Variants in MFAP3L observed in about 807,000 individuals in gnomAD.
The protein encoded by MFAP3L is microfibrillar-associated protein 3-like.
A neutral mutation model predicts 20.0 loss-of-function variants in MFAP3L; 5 were observed. That is an observed-to-expected ratio of 0.25 (90% confidence interval 0.13 to 0.53). The LOEUF (loss-of-function observed/expected upper bound fraction) is 0.53. Ranked by LOEUF, MFAP3L falls within the 20% of genes least tolerant of loss-of-function variation. MFAP3L has a pLI of 0.96. For missense variants in MFAP3L, 409 were observed against 527.5 expected, an observed-to-expected ratio of 0.78 and a Z score of 2.20; for synonymous variants, 219 against 213.0, an observed-to-expected ratio of 1.03 and a Z score of -0.25.
chr4:170,013,159 G>A (rs1739489107), intron 1 of MFAP3L, among the ~76,000 whole-genome samples: 2 of 152,162 alleles, frequency 1.3e-5, no homozygotes, highest in South Asian at 4.1e-4. Flanking sequence ...CTGATTAAAA[G>A]TAAAAATAAT....
chr4:170,025,135 G>GTA (rs1740269090), intron 1 of MFAP3L, among the ~76,000 whole-genome samples: 1 of 152,146 alleles, frequency 6.6e-6, no homozygotes, highest in Non-Finnish European at 1.5e-5. Context: ...AAACCACACT[G>GTA]GGACCTACAA....
At chr4:170,024,070 C>T (rs1278532998) in intron 1 of MFAP3L, among the ~76,000 whole-genome samples, 1 of 152,136 alleles carries the variant, frequency 6.6e-6, no homozygotes, top group Non-Finnish European at 1.5e-5. Flanking sequence ...TAGTTAACTA[C>T]AAAAGAGAAG....
chr4:170,001,842 T>C, intron 2 of MFAP3L: 1 of 804,588 alleles, frequency 1.2e-6, no homozygotes. Flanking sequence ...CTCCTGATCC[T>C]GTGGAATTGA....
At chr4:169,994,508 C>T (rs1737988755) in intron 2 of MFAP3L, 3 of 974,514 alleles carry the variant, frequency 3.1e-6, no homozygotes, top group East Asian at 1.1e-4. Flanking sequence ...TACAACATCC[C>T]AATGCTTTCC....
chr4:170,019,834 T>C (rs1022636015), intron 1 of MFAP3L, among the ~76,000 whole-genome samples: 2 of 152,218 alleles, frequency 1.3e-5, no homozygotes, highest in Non-Finnish European at 2.9e-5. Context: ...AGTTTTCCTC[T>C]TTCCTGTTGA....
intron 1 of MFAP3L, among the ~76,000 whole-genome samples, chr4:170,019,946 C>T (rs1739924174): frequency 6.6e-6 from 1 of 152,188 alleles, no homozygotes; most frequent in South Asian, 2.1e-4. Context: ...ATTAGCAAGT[C>T]CCCAATGCTT....
chr4:170,026,151 G>A (rs1167619365), intron 1 of MFAP3L, 83 bp downstream of exon 1: 3 of 833,194 alleles, frequency 3.6e-6, no homozygotes, highest in African/African-American at 3.7e-5. Flanking sequence ...GGCGGCCCCG[G>A]CGCCGACTCG....
intron 1 of MFAP3L, among the ~76,000 whole-genome samples, chr4:170,015,680 G>C (rs1282140679): frequency 6.6e-6 from 1 of 152,196 alleles, no homozygotes; most frequent in African/African-American, 2.4e-5. Context: ...AATCAGCCCA[G>C]ATTCCTCCAG....
chr4:170,019,388 A>C (rs1376494673), intron 1 of MFAP3L, among the ~76,000 whole-genome samples: 1 of 152,142 alleles, frequency 6.6e-6, no homozygotes, highest in Non-Finnish European at 1.5e-5. Context: ...GTCTACAAAA[A>C]AATTAATTAG....
chr4:169,997,719 T>G (rs1040910176), intron 2 of MFAP3L: 1 of 985,082 alleles, frequency 1.0e-6, no homozygotes, highest in African/African-American at 1.7e-5. Context: ...GCAGGCCCGG[T>G]AGCTCACGGC....
At chr4:170,013,641 C>A (rs1049425448) in intron 1 of MFAP3L, among the ~76,000 whole-genome samples, 4 of 152,224 alleles carry the variant, frequency 2.6e-5, no homozygotes, top group Admixed American at 1.3e-4. Context: ...TCAGATCAGA[C>A]CTGGGATTGT....
chr4:170,005,848 C>T lies in MFAP3L; in HGVS notation c.30G>A (p.Val10=). MDRLKSHLT[V]CFLPSVPFLI... is the part of the protein sequence containing the mutation. ...AAAAGGGCACAGAAGGTAGAAAGCACACAGTCAGATGGCTCTTCAATCGAT... is the reference window on the plus strand; with the variant it reads ...AAAAGGGCACAGAAGGTAGAAAGCATACAGTCAGATGGCTCTTCAATCGAT... Residue 10 remains valine (V), a synonymous_variant, in exon 2 of 3, where the codon GTG becomes GTA. Transcript: ENST00000361618. 6.2e-7 allele frequency: 1 copy of T among 1,614,108 alleles called. No individual in the cohort carries two copies.
chr4:169,997,632 G>T, intron 2 of MFAP3L: 1 of 798,360 alleles, frequency 1.3e-6, no homozygotes, highest in Non-Finnish European at 1.5e-6. Flanking sequence ...CTCTCAGGTT[G>T]CCAGAATAAA....
chr4:170,002,110 C>T (rs1738670299), intron 2 of MFAP3L: 15 of 985,458 alleles, frequency 1.5e-5, no homozygotes, highest in Non-Finnish European at 1.8e-5. Flanking sequence ...TGTTCCGGCA[C>T]AAATCCTAAC....
intron 1 of MFAP3L, among the ~76,000 whole-genome samples, chr4:170,008,353 A>T (rs150025829): frequency 1.1e-3 from 170 of 152,354 alleles, no homozygotes; most frequent in Non-Finnish European, 2.2e-3. Context: ...ACTGATTCAA[A>T]GTAAGCACTG....
intron 2 of MFAP3L, 121 bp downstream of exon 2, chr4:170,005,458 GA>G: frequency 8.6e-7 from 1 of 1,167,272 alleles, no homozygotes; most frequent in South Asian, 1.5e-5. Context: ...TCCTGCCTTA[GA>G]AAAACAAGAC....
At position 170,005,562 on chromosome 4, in the gene MFAP3L, T is replaced by C; in HGVS notation, c.298+18A>G. 2 of 1,607,952 alleles carry C rather than the reference T, an allele frequency of 1.2e-6. No homozygotes were observed. Among genetic ancestry groups the C allele is most frequent in the Non-Finnish European group, 1.7e-6 (2 of 1,175,020 alleles). ...GTTTATATTTTATTATGACATTTGA[T>C]ACAACTTTAAAGCCTACCTCCTCCT... On this transcript the variant is annotated intron_variant, in intron 2 of 2. Coordinates refer to ENST00000361618, the MANE Select transcript of MFAP3L (RefSeq NM_021647.8).
At chr4:170,010,232 T>C (rs1459694682) in intron 1 of MFAP3L, among the ~76,000 whole-genome samples, 1 of 152,220 alleles carries the variant, frequency 6.6e-6, no homozygotes, top group Non-Finnish European at 1.5e-5. Flanking sequence ...TCCTTTCCCA[T>C]ATATCATAAT....
At chr4:170,026,930 G>A (rs923115151), upstream of MFAP3L, 3 of 152,254 alleles carry the variant, frequency 2.0e-5, no homozygotes, top group African/African-American at 7.2e-5. Context: ...AGGCCTTCCC[G>A]GGCGACTGCG....
Sources: allele counts gnomAD v4.1 joint callset (sites outside exome capture counted in the v4.1 genomes callset), GRCh38; gene constraint gnomAD v4.1.1; transcripts MANE v1.5; gene names NCBI Gene and HGNC (gene_info 2026-07-23, HGNC 2026-07-21).